Variants in ADRA1A observed in about 807,000 individuals in gnomAD.
The protein encoded by ADRA1A is adrenoceptor alpha 1A.
Under a neutral mutation model 29.6 loss-of-function variants are expected in ADRA1A, and 31 were observed. The observed-to-expected ratio is 1.05, with a 90% CI of 0.79 to 1.41. ADRA1A has a LOEUF of 1.41. Ranked by LOEUF, ADRA1A falls within the 40% of genes most tolerant of loss-of-function variation. The pLI is 0.00. For missense variants in ADRA1A, 619 were observed against 601.1 expected (o/e 1.03, Z -0.31); for synonymous variants, 311 against 254.3 (o/e 1.22, Z -2.12).
intron 2 of ADRA1A, among the ~76,000 whole-genome samples, chr8:26,822,868 G>A (rs1350162684): frequency 6.6e-6 from 1 of 152,192 alleles, no homozygotes; most frequent in Non-Finnish European, 1.5e-5. Context: ...AAGCAAGAAA[G>A]TGGTGGGAGG....
chr8:26,809,126 G>T (rs1285873799), intron 2 of ADRA1A, among the ~76,000 whole-genome samples: 1 of 152,176 alleles, frequency 6.6e-6, no homozygotes, highest in African/African-American at 2.4e-5. Flanking sequence ...ATTTATCTCT[G>T]CAATACAATT....
chr8:26,830,152 G>C (rs1286432048), intron 2 of ADRA1A, among the ~76,000 whole-genome samples: 2 of 152,218 alleles, frequency 1.3e-5, no homozygotes, highest in Non-Finnish European at 2.9e-5. Context: ...CTCCCACCCA[G>C]AGCTGACCCT....
In ADRA1A at chr8:26,816,471, C is replaced by T. The variant is rs1395315325; in HGVS notation, c.884-45805G>A. Among the ~76,000 whole-genome samples the T allele has an allele frequency of 2.0e-5, 3 of 151,910 alleles. 1 individual carries two copies. The South Asian group carries it at 6.2e-4, about 32-fold the overall frequency. On this transcript the variant is annotated intron_variant, in intron 2 of 2. Transcript: ENST00000380573. The stretch of plus-strand genomic sequence containing the variant: ...AACCAGTGTAGCATACATTGAGTAA[C>T]AAGTAACAGTGGTCTATGGCTGGGA...
chr8:26,786,578 C>G (rs1246593957), intron 2 of ADRA1A, among the ~76,000 whole-genome samples: 1 of 152,106 alleles, frequency 6.6e-6, no homozygotes, highest in African/African-American at 2.4e-5. Context: ...TGGAATACTT[C>G]TCTGCACCAG....
intron 2 of ADRA1A, among the ~76,000 whole-genome samples, chr8:26,857,751 T>A (rs1813155765): frequency 6.6e-6 from 1 of 152,244 alleles, no homozygotes; most frequent in South Asian, 2.1e-4. Context: ...CCATGAGAAC[T>A]AGGGAACTGC....
intron 2 of ADRA1A, among the ~76,000 whole-genome samples, chr8:26,786,277 C>T (rs1807381173): frequency 6.6e-6 from 1 of 151,762 alleles, no homozygotes; most frequent in African/African-American, 2.4e-5. Flanking sequence ...CTCTCTCACC[C>T]AGGCTGGAGT....
Position 26,823,244 on chromosome 8 carries a change from T to C in ADRA1A, c.883+40843A>G, listed in dbSNP as rs1019735695. On this transcript the variant is annotated intron_variant, in intron 2 of 2. Coordinates refer to ENST00000380573, the MANE Select transcript of ADRA1A (RefSeq NM_000680.4). The surrounding 1 kb of genome is among the most constrained non-coding windows in gnomAD (Gnocchi z 4.2). ...AAAGTGTGCTCTTGTCTGTGACACATGCTTCTTTGGCCACATGGTATAGTG... is the reference window on the plus strand; with the variant it reads ...AAAGTGTGCTCTTGTCTGTGACACACGCTTCTTTGGCCACATGGTATAGTG... 2.6e-5 allele frequency among the ~76,000 whole-genome samples: 4 copies of C among 152,236 alleles called. No homozygotes were observed. Among genetic ancestry groups the C allele is most frequent in the Non-Finnish European group, 4.4e-5 (3 of 68,030 alleles).
downstream of ADRA1A, among the ~76,000 whole-genome samples, chr8:26,766,359 T>G (rs770323126): frequency 6.6e-6 from 1 of 152,230 alleles, no homozygotes; most frequent in African/African-American, 2.4e-5. Context: ...TTCTGCATAC[T>G]CTTCTATGCC....
intron 2 of ADRA1A, among the ~76,000 whole-genome samples, chr8:26,851,786 T>C (rs1205406807): frequency 2.0e-5 from 3 of 152,024 alleles, no homozygotes; most frequent in African/African-American, 7.2e-5. Flanking sequence ...TAAGAAATAG[T>C]GGGAAGAAAC....
At chr8:26,788,505 G>A (rs961083708) in intron 2 of ADRA1A, among the ~76,000 whole-genome samples, 1 of 152,018 alleles carries the variant, frequency 6.6e-6, no homozygotes, top group African/African-American at 2.4e-5. Context: ...GCACCATGAG[G>A]GTGATGATGG....
Position 26,831,390 on chromosome 8 carries a change from GAGAA to G in ADRA1A, c.883+32693_883+32696del, listed in dbSNP as rs1311076111. ...GCAGAGAGAGAGAGAGAAGGAGAGA[GAGAA>G]AGAGAGAGAGCCTGCTATGCCATGG... On this transcript the variant is annotated intron_variant, in intron 2 of 2. Coordinates refer to ENST00000380573, the MANE Select transcript of ADRA1A (RefSeq NM_000680.4). The surrounding 1 kb of genome is among the most constrained non-coding windows in gnomAD (Gnocchi z 5.2). Among the ~76,000 whole-genome samples the G allele has an allele frequency of 1.3e-5, 2 of 152,286 alleles. No homozygotes were observed. The highest frequency in any genetic ancestry group is 1.9e-4 in the East Asian group (1 of 5,164).
chr8:26,866,969 G>C lies in ADRA1A; in HGVS notation c.-720C>G. 2.0e-6 allele frequency: 2 copies of C among 985,264 alleles called. No individual in the cohort carries two copies. Among genetic ancestry groups the C allele is most frequent in the Non-Finnish European group, 1.2e-6 (1 of 829,836 alleles). 61.0% of individuals were successfully genotyped at this position (985,264 alleles called of 1,614,324 possible). On this transcript the variant is annotated 5_prime_UTR_variant, in exon 1 of 3. Transcript: ENST00000380573. The surrounding 1 kb of genome is among the most constrained non-coding windows in gnomAD (Gnocchi z 5.7). The stretch of plus-strand genomic sequence containing the variant: ...CCGCTGCTGAGCCACCAGCTCGCGC[G>C]CGGGGGATGTGGACCCGGCTTCGGT...
At chr8:26,826,390 G>C (rs1810571203) in intron 2 of ADRA1A, among the ~76,000 whole-genome samples, 1 of 152,324 alleles carries the variant, frequency 6.6e-6, no homozygotes, top group East Asian at 1.9e-4. Flanking sequence ...GTCACATTAT[G>C]ACTTTTATGG....
downstream of ADRA1A, among the ~76,000 whole-genome samples, chr8:26,754,849 A>T (rs1291847835): frequency 6.6e-6 from 1 of 152,134 alleles, no homozygotes; most frequent in East Asian, 1.9e-4. Flanking sequence ...CCTCTGCTCC[A>T]TCAGGTTTGT....
chr8:26,761,478 G>A (rs1805498990), downstream of ADRA1A, among the ~76,000 whole-genome samples: 1 of 152,148 alleles, frequency 6.6e-6, no homozygotes, highest in Non-Finnish European at 1.5e-5. Context: ...GGTGATGAGG[G>A]TGGACCCAAA....
rs141948507 is a variant in ADRA1A, at chr8:26,796,931, T to C, written c.884-26265A>G. On this transcript the variant is annotated intron_variant, in intron 2 of 2. Coordinates refer to ENST00000380573, the MANE Select transcript of ADRA1A (RefSeq NM_000680.4). This position sits in a 1 kb window ranked among gnomAD's most constrained non-coding sequence, Gnocchi z 5.0. ...AATTTTTATAGAGATGAGACTGGAA[T>C]TGAGAGTGAAATGAAGGGAGTCGTA... Among the ~76,000 whole-genome samples, 7 of 152,192 alleles carry C rather than the reference T, an allele frequency of 4.6e-5. No individual in the cohort carries two copies. The highest frequency in any genetic ancestry group is 1.0e-4 in the Non-Finnish European group (7 of 67,994).
chr8:26,854,189 T>A (rs1214048741), intron 2 of ADRA1A: 2 of 152,250 alleles, frequency 1.3e-5, no homozygotes, highest in African/African-American at 2.4e-5. Context: ...AAAGAGGCAG[T>A]TGGCATTTGT....
downstream of ADRA1A, among the ~76,000 whole-genome samples, chr8:26,768,489 A>T (rs999999394): frequency 4.1e-4 from 62 of 152,152 alleles, no homozygotes; most frequent in Non-Finnish European, 3.1e-4. Context: ...AGCAGCCCTA[A>T]TCCGAAAATC....
At chr8:26,754,249 C>T (rs755671295), downstream of ADRA1A, among the ~76,000 whole-genome samples, 2 of 152,220 alleles carry the variant, frequency 1.3e-5, no homozygotes, top group South Asian at 2.1e-4. Flanking sequence ...AAAATGTTGC[C>T]ACAAATTCAA....
Sources: gnomAD v4.1 joint callset for allele counts (sites outside exome capture counted in the v4.1 genomes callset) on GRCh38, gnomAD v4.1.1 for gene constraint, Gnocchi (gnomAD v3.1) non-coding constraint, MANE v1.5 for transcripts, NCBI Gene and HGNC (gene_info 2026-07-23, HGNC 2026-07-21) for gene names.